ATF7: variants seen among roughly 807,000 people sequenced by gnomAD.
ATF7 encodes cyclic AMP-dependent transcription factor ATF-7.
A neutral mutation model predicts 50.4 loss-of-function variants in ATF7; 10 were observed. The ratio of observed to expected loss-of-function variants is 0.20; its 90% confidence interval spans 0.12 to 0.34. The LOEUF (loss-of-function observed/expected upper bound fraction) is 0.34. ATF7 is among the 10% of genes least tolerant of loss of function. ATF7 has a pLI of 1.00. For missense variants in ATF7, 465 were observed against 613.9 expected, an observed-to-expected ratio of 0.76 and a Z score of 2.56; for synonymous variants, 201 against 226.4, an observed-to-expected ratio of 0.89 and a Z score of 1.01.
chr12:53,574,712 A>T (rs1207789814), intron 2 of ATF7: 3 of 163,044 alleles, frequency 1.8e-5, no homozygotes, highest in Non-Finnish European at 4.0e-5. Flanking sequence ...GGTTTATAAG[A>T]GACAGGCAGA....
At chr12:53,622,401 A>T (rs1210520124) in intron 1 of ATF7, among the ~76,000 whole-genome samples, 1 of 151,694 alleles carries the variant, frequency 6.6e-6, no homozygotes, top group East Asian at 1.9e-4. Context: ...AGGGCAGATC[A>T]CGTGGTCAGG....
At chr12:53,587,366 C>CAAAAAAAAAA (rs55904354) in intron 2 of ATF7, among the ~76,000 whole-genome samples, 87 of 62,250 alleles carry the variant, frequency 1.4e-3, no homozygotes, top group East Asian at 2.0e-3. Context: ...AATTCCGCAT[C>CAAAAAAAAAA]AAAAAAAAAA....
chr12:53,585,271 C>T (rs569797928), intron 2 of ATF7, among the ~76,000 whole-genome samples: 56 of 152,122 alleles, frequency 3.7e-4, no homozygotes, highest in African/African-American at 1.3e-3. Flanking sequence ...CCACTGTGCC[C>T]GGCCTCATTA....
In ATF7 at chr12:53,531,869, C is replaced by G. The variant is rs377461299; in HGVS notation, c.802G>C (p.Val268Leu). The change falls in exon 9 of 12, where the codon GTC becomes CTC. Residue 268 changes from valine (V) to leucine (L), a missense_variant. Transcript: ENST00000420353. The stretch of plus-strand genomic sequence containing the variant: ...CCACAACCACCATTGATTGAGGAGA[C>G]TTGGTGAGTTAGGGTGGCTTTCAGT... Reference protein sequence around the residue: ...MRLKATLTHQVSSINGGCGMV... With the variant: ...MRLKATLTHQLSSINGGCGMV... 14 of 1,613,480 alleles carry G rather than the reference C, an allele frequency of 8.7e-6. No individual in the cohort carries two copies. Among genetic ancestry groups the G allele is most frequent in the Non-Finnish European group, 1.2e-5 (14 of 1,179,832 alleles).
chr12:53,621,916 T>C (rs978209349), intron 1 of ATF7, among the ~76,000 whole-genome samples: 4 of 152,092 alleles, frequency 2.6e-5, no homozygotes, highest in Non-Finnish European at 5.9e-5. Context: ...TTAGATTATA[T>C]CTGAGATGTT....
At chr12:53,592,668 CAAAG>C (rs1942995914) in intron 2 of ATF7, among the ~76,000 whole-genome samples, 1 of 151,322 alleles carries the variant, frequency 6.6e-6, no homozygotes, top group African/African-American at 2.4e-5. Flanking sequence ...TGATAGCAAA[CAAAG>C]AAAAAAAACC....
At chr12:53,584,153 G>C (rs776524701) in intron 2 of ATF7, among the ~76,000 whole-genome samples, 5 of 152,080 alleles carry the variant, frequency 3.3e-5, no homozygotes, top group Non-Finnish European at 5.9e-5. Context: ...GCTAATTTTT[G>C]TATTTTTAGG....
downstream of ATF7, among the ~76,000 whole-genome samples, chr12:53,511,650 C>T (rs1041385920): frequency 6.6e-6 from 1 of 152,158 alleles, no homozygotes; most frequent in African/African-American, 2.4e-5. Context: ...GTGTGTGCTC[C>T]CTGGTCACAA....
intron 3 of ATF7, among the ~76,000 whole-genome samples, chr12:53,547,581 T>C (rs950122494): frequency 6.6e-6 from 1 of 151,548 alleles, no homozygotes; most frequent in Non-Finnish European, 1.5e-5. Context: ...CCACCACACT[T>C]GGTCATTTTC....
intron 3 of ATF7, among the ~76,000 whole-genome samples, chr12:53,544,319 T>C (rs533947581): frequency 2.0e-5 from 3 of 152,210 alleles, no homozygotes; most frequent in Non-Finnish European, 4.4e-5. Flanking sequence ...TCACAGATCC[T>C]AACTCTATTA....
chr12:53,524,596 C>T lies in ATF7; in HGVS notation c.1093G>A (p.Glu365Lys), dbSNP rs1192363054. 8 of 1,613,924 alleles carry T rather than the reference C, an allele frequency of 5.0e-6. No homozygotes were observed. The highest frequency in any genetic ancestry group is 1.1e-5 in the South Asian group (1 of 91,082). Residue 365 changes from glutamate (E) to lysine (K), a missense_variant, in exon 10 of 12, where the codon GAA becomes AAA. By Grantham distance (56) the Glu-to-Lys change is moderately conservative. Transcript: ENST00000420353. The surrounding 1 kb of genome is among the most constrained non-coding windows in gnomAD (Gnocchi z 4.6). ...LWVSSLEKKA[E>K]ELTSQNIQLS... ...TGAATGTTCTGAGAAGTGAGTTCTT[C>T]GGCCTTCTTCTCTAGGGAGGACACC...
chr12:53,537,869 C>T (rs1383302998), intron 4 of ATF7, among the ~76,000 whole-genome samples: 2 of 152,136 alleles, frequency 1.3e-5, no homozygotes, highest in Non-Finnish European at 2.9e-5. Flanking sequence ...TGTGCCACCA[C>T]GCCCAGCTAA....
chr12:53,572,513 T>C (rs1487613602), intron 2 of ATF7, among the ~76,000 whole-genome samples: 2 of 152,190 alleles, frequency 1.3e-5, no homozygotes, highest in African/African-American at 4.8e-5. Flanking sequence ...CTCCCAGCTC[T>C]ACTAGGTTCT....
rs150415424 is a variant in ATF7, at chr12:53,584,790, G to T, written c.48+16163C>A. ...TAAATGAAAGAAGCTAGTATGAAAC[G>T]GCCTTATATTGTATGATTCCAACTA... is the stretch of plus-strand genomic sequence containing the variant. On this transcript the variant is annotated intron_variant, in intron 2 of 11. Transcript: ENST00000420353. 3.3e-5 allele frequency among the ~76,000 whole-genome samples: 5 copies of T among 152,058 alleles called. No individual in the cohort carries two copies. The South Asian group carries it at 1.0e-3, about 31-fold the overall frequency.
chr12:53,533,366 T>C, intron 6 of ATF7, 107 bp from the exon 7 acceptor site: 2 of 849,182 alleles, frequency 2.4e-6, no homozygotes, highest in Non-Finnish European at 3.7e-6. Context: ...AGGGAAGGTA[T>C]AGGGCAGCAT....
chr12:53,523,868 C>G (rs1938270531), intron 10 of ATF7, among the ~76,000 whole-genome samples: 1 of 151,720 alleles, frequency 6.6e-6, no homozygotes. Flanking sequence ...GGCTAGATCT[C>G]CAGGAAACAC....
At chr12:53,552,388 A>G (rs527907852) in intron 3 of ATF7, among the ~76,000 whole-genome samples, 153 bp downstream of exon 3, 16 of 152,176 alleles carry the variant, frequency 1.1e-4, no homozygotes, top group Non-Finnish European at 2.4e-4. Context: ...GAAACTTGGG[A>G]GCTTTTAGTG....
intron 2 of ATF7, among the ~76,000 whole-genome samples, chr12:53,572,911 G>A (rs1029879685): frequency 8.6e-5 from 13 of 151,560 alleles, no homozygotes; most frequent in Non-Finnish European, 1.3e-4. Flanking sequence ...TCAGCCTCCT[G>A]AGTAGCTGGG....
chr12:53,533,141 C>T lies in ATF7; in HGVS notation c.660+19G>A, dbSNP rs1939006574. 2 of 1,590,086 alleles carry T rather than the reference C, an allele frequency of 1.3e-6. No individual in the cohort carries two copies. Among genetic ancestry groups the T allele is most frequent in the Non-Finnish European group, 1.7e-6 (2 of 1,158,814 alleles). On this transcript the variant is annotated intron_variant, in intron 7 of 11. Transcript: ENST00000420353. ...ATTACCATGTTGGTAGGGTTGGCTG[C>T]CCCAACTACAGAGCTCACCGATATA... is the stretch of plus-strand genomic sequence containing the variant.
Sources: allele counts gnomAD v4.1 joint callset (sites outside exome capture counted in the v4.1 genomes callset), GRCh38; gene constraint gnomAD v4.1.1; non-coding constraint Gnocchi (gnomAD v3.1); transcripts MANE v1.5; gene names NCBI Gene and HGNC (gene_info 2026-07-23, HGNC 2026-07-21).